The following TNR variants were observed in gnomAD, a reference collection of about 807,000 sequenced individuals.
The protein encoded by TNR is tenascin R.
TNR carries 45 observed loss-of-function variants against 150.4 expected under a neutral mutation model. The ratio of observed to expected loss-of-function variants is 0.30; its 90% CI spans 0.24 to 0.38. The LOEUF (loss-of-function observed/expected upper bound fraction) is 0.38, where lower values mean the gene tolerates loss of function less well. Ranked by LOEUF, TNR falls within the 10% of genes least tolerant of loss-of-function variation. The probability of loss-of-function intolerance (pLI) is 1.00; values close to 1 mark genes in which losing one functional copy is unlikely to be tolerated. For synonymous variants in TNR, 687 were observed against 678.4 expected (o/e 1.01, Z -0.20); for missense variants, 1,544 against 1,759.1 (o/e 0.88, Z 2.19).
chr1:175,720,773 T>A (rs1667276412), intron 1 of TNR, among the ~76,000 whole-genome samples: 1 of 152,250 alleles, frequency 6.6e-6, no homozygotes, highest in Non-Finnish European at 1.5e-5. Flanking sequence ...GGATTACGCC[T>A]CAATCCAGAG....
intron 1 of TNR, among the ~76,000 whole-genome samples, chr1:175,689,517 C>T (rs947996779): frequency 6.6e-6 from 1 of 152,130 alleles, no homozygotes; most frequent in African/African-American, 2.4e-5. Flanking sequence ...GCTGGCCAGG[C>T]TGCCAGCTCC....
intron 2 of TNR, among the ~76,000 whole-genome samples, chr1:175,482,866 G>C (rs953738864): frequency 6.6e-6 from 1 of 152,174 alleles, no homozygotes; most frequent in African/African-American, 2.4e-5. Context: ...CTTTGTCTGT[G>C]CACTAGCACA....
chr1:175,633,965 G>T (rs760601754), intron 1 of TNR, among the ~76,000 whole-genome samples: 1 of 151,988 alleles, frequency 6.6e-6, no homozygotes, highest in Non-Finnish European at 1.5e-5. Context: ...AGACTTCCCT[G>T]ACTTTGCTTT....
intron 1 of TNR, among the ~76,000 whole-genome samples, chr1:175,553,370 A>T (rs980702845): frequency 6.6e-6 from 1 of 152,160 alleles, no homozygotes; most frequent in Non-Finnish European, 1.5e-5. Context: ...GGATCACAGC[A>T]TCCAGTGTTA....
intron 2 of TNR, among the ~76,000 whole-genome samples, chr1:175,513,506 C>T (rs1659279076): frequency 6.6e-6 from 1 of 152,170 alleles, no homozygotes; most frequent in Non-Finnish European, 1.5e-5. Flanking sequence ...CAGGGGGCTG[C>T]AGGGGAGGGA....
chr1:175,742,020 G>C (rs572286906), intron 1 of TNR, among the ~76,000 whole-genome samples: 5 of 152,296 alleles, frequency 3.3e-5, no homozygotes, highest in Admixed American at 1.3e-4. Context: ...GCTCCACGGA[G>C]ACTTGAATGA....
At chr1:175,396,113 T>A (rs997383234) in intron 5 of TNR, among the ~76,000 whole-genome samples, 1 of 152,232 alleles carries the variant, frequency 6.6e-6, no homozygotes, top group Non-Finnish European at 1.5e-5. Context: ...TAAATAAGAT[T>A]TTTTTCTCAC....
chr1:175,363,910 A>G, intron 12 of TNR, 83 bp from the exon 13 acceptor site: 3 of 1,503,812 alleles, frequency 2.0e-6, no homozygotes, highest in Non-Finnish European at 1.8e-6. Flanking sequence ...TATGTTGACC[A>G]AAAGCCAATG....
intron 20 of TNR, among the ~76,000 whole-genome samples, chr1:175,334,835 C>A (rs1650148097): frequency 6.6e-6 from 1 of 152,204 alleles, no homozygotes; most frequent in Admixed American, 6.5e-5. Context: ...TAAACTCTTT[C>A]TTTATTGCAA....
chr1:175,476,809 C>T (rs972968601), intron 2 of TNR, among the ~76,000 whole-genome samples: 4 of 152,254 alleles, frequency 2.6e-5, no homozygotes, highest in Middle Eastern at 3.4e-3. Context: ...GGTGACCCTT[C>T]GGGAATTTGA....
At chr1:175,396,401 T>C in intron 5 of TNR, 143 bp downstream of exon 5, 1 of 1,054,196 alleles carries the variant, frequency 9.5e-7, no homozygotes. Context: ...TCTAAATGGG[T>C]CACATCTCTA....
At chr1:175,558,958 A>G (rs1661304138) in intron 1 of TNR, among the ~76,000 whole-genome samples, 2 of 152,204 alleles carry the variant, frequency 1.3e-5, no homozygotes, top group Non-Finnish European at 2.9e-5. Flanking sequence ...CATCAATTAT[A>G]ACATATGTGC....
At chr1:175,670,283 A>C (rs893055899) in intron 1 of TNR, among the ~76,000 whole-genome samples, 1 of 152,182 alleles carries the variant, frequency 6.6e-6, no homozygotes, top group East Asian at 1.9e-4. Flanking sequence ...CAATCACATC[A>C]GGATCTGGTC....
At chr1:175,672,896 A>C (rs774882070) in intron 1 of TNR, among the ~76,000 whole-genome samples, 44 of 152,106 alleles carry the variant, frequency 2.9e-4, no homozygotes, top group Non-Finnish European at 5.9e-4. Flanking sequence ...CCCAATCAAC[A>C]GACTCACTTC....
At chr1:175,534,283 A>T (rs118142082) in intron 1 of TNR, among the ~76,000 whole-genome samples, 1 of 152,306 alleles carries the variant, frequency 6.6e-6, no homozygotes, top group East Asian at 1.9e-4. Flanking sequence ...TGGACCCTCC[A>T]CAGAAGTTGC....
intron 4 of TNR, among the ~76,000 whole-genome samples, chr1:175,397,820 C>T (rs1653503789): frequency 6.6e-6 from 1 of 152,162 alleles, no homozygotes; most frequent in African/African-American, 2.4e-5. Context: ...TTTTGTGTAT[C>T]GTCTTGGAAA....
At position 175,406,198 on chromosome 1, in the gene TNR, C is replaced by A. The variant is rs859400; in HGVS notation, c.499+18G>T. 8.1e-6 allele frequency: 13 copies of A among 1,606,480 alleles called. No homozygotes were observed. Among genetic ancestry groups the A allele is most frequent in the Middle Eastern group, 3.4e-4 (2 of 5,936 alleles). On this transcript the variant is annotated intron_variant, in intron 3 of 22. Transcript: ENST00000367674. ...TCCTTCCCCTCCTGAGACCACGCTG[C>A]GAGCTCCCGGACTCTACCTGTGGCA... is the stretch of plus-strand genomic sequence containing the variant.
At chr1:175,518,007 C>T (rs887891388) in intron 2 of TNR, among the ~76,000 whole-genome samples, 6 of 152,166 alleles carry the variant, frequency 3.9e-5, no homozygotes, top group African/African-American at 7.2e-5. Context: ...GAGAAACAAG[C>T]TTCTAATTCT....
At chr1:175,481,291 G>A (rs1005215334) in intron 2 of TNR, among the ~76,000 whole-genome samples, 3 of 152,206 alleles carry the variant, frequency 2.0e-5, no homozygotes, top group South Asian at 2.1e-4. Context: ...TAAGTATGTG[G>A]TAATACTATG....
Sources: allele counts gnomAD v4.1 joint callset (sites outside exome capture counted in the v4.1 genomes callset), GRCh38; gene constraint gnomAD v4.1.1; transcripts MANE v1.5; gene names NCBI Gene and HGNC (gene_info 2026-07-23, HGNC 2026-07-21).